ARHGAP21: variants seen among roughly 807,000 people sequenced by gnomAD.
ARHGAP21 encodes the protein Rho GTPase activating protein 21.
ARHGAP21 carries 38 observed loss-of-function variants against 164.6 expected under a neutral mutation model. That is an observed-to-expected ratio of 0.23 (90% confidence interval 0.18 to 0.30). The LOEUF is 0.30. Ranked by LOEUF, ARHGAP21 falls within the 10% of genes least tolerant of loss-of-function variation. The pLI is 1.00. For synonymous variants in ARHGAP21, 766 were observed against 857.9 expected, an observed-to-expected ratio of 0.89 and a Z score of 1.87; for missense variants, 1,822 against 2,370.7, an observed-to-expected ratio of 0.77 and a Z score of 4.81.
intron 9 of ARHGAP21, among the ~76,000 whole-genome samples, chr10:24,615,064 C>T (rs982636892): frequency 3.9e-5 from 6 of 152,070 alleles, no homozygotes; most frequent in Non-Finnish European, 4.4e-5. Context: ...GTGGTGCACA[C>T]CTGTAATCCC....
At chr10:24,597,089 G>C (rs1190360582) in intron 16 of ARHGAP21, among the ~76,000 whole-genome samples, 4 of 103,062 alleles carry the variant, frequency 3.9e-5, no homozygotes, top group Admixed American at 1.9e-4. Flanking sequence ...CTTTAAAACA[G>C]CAAAAAAAAA....
chr10:24,584,795 G>C lies in ARHGAP21; in HGVS notation c.5494C>G (p.Leu1832Val). 1.2e-6 allele frequency: 2 copies of C among 1,613,992 alleles called. No individual in the cohort carries two copies. The highest frequency in any genetic ancestry group is 2.2e-5 in the South Asian group (2 of 91,078). Residue 1832 changes from leucine to valine, a missense_variant, in exon 26 of 26, where the codon CTT becomes GTT. Leu to Val is a conservative substitution (Grantham distance 32). Around this residue, in one of 5 missense-constraint regions of ARHGAP21, gnomAD observed 165 missense variants for 176.6 expected, o/e 0.93. Coordinates refer to ENST00000396432, the MANE Select transcript of ARHGAP21 (RefSeq NM_020824.4). ...HEQSGERESE[L>V]SAVNRLKPKC... ...GGTTTTAACCGGTTTACAGCTGAAA[G>C]TTCAGATTCTCTCTCCCCGCTCTGC...
intron 4 of ARHGAP21, among the ~76,000 whole-genome samples, chr10:24,649,819 G>A (rs1837973934): frequency 6.6e-6 from 1 of 151,734 alleles, no homozygotes; most frequent in South Asian, 2.1e-4. Flanking sequence ...GAATCACCAG[G>A]CACAGATTAT....
chr10:24,714,930 T>G (rs1845212807), intron 2 of ARHGAP21, among the ~76,000 whole-genome samples: 1 of 150,572 alleles, frequency 6.6e-6, no homozygotes, highest in Non-Finnish European at 1.5e-5. Flanking sequence ...CTCGGGAGGC[T>G]GAGGCAGGAG....
intron 4 of ARHGAP21, among the ~76,000 whole-genome samples, chr10:24,653,945 A>G (rs1165969607): frequency 6.6e-6 from 1 of 152,208 alleles, no homozygotes; most frequent in African/African-American, 2.4e-5. Flanking sequence ...GACGACCTAC[A>G]TAATGGAGGA....
chr10:24,592,811 A>G (rs1564961700), intron 21 of ARHGAP21, among the ~76,000 whole-genome samples: 1 of 152,154 alleles, frequency 6.6e-6, no homozygotes, highest in Admixed American at 6.5e-5. Flanking sequence ...TGAAAAATAC[A>G]TGAAAGGTTA....
In ARHGAP21 at chr10:24,607,321, G is replaced by T. The variant is rs2077069611; in HGVS notation, c.2684+178C>A. 5 of 609,338 alleles carry T rather than the reference G, an allele frequency of 8.2e-6. No homozygotes were observed. In the South Asian group the frequency reaches 1.1e-4, roughly 13 times the overall value. The allele number at this position is 609,338 out of a possible 1,614,324, so 37.7% of individuals were successfully genotyped here. A position where few individuals can be genotyped will look rare whatever the true frequency, so the allele number is the denominator to read the frequency against. On this transcript the variant is annotated intron_variant, in intron 11 of 25. Transcript: ENST00000396432. ...TTTAACATATTTTTCTACCATGTTT[G>T]TGTGTTACTGATTTTTAAAATTCAA... is the stretch of plus-strand genomic sequence containing the variant.
intron 2 of ARHGAP21, among the ~76,000 whole-genome samples, chr10:24,689,167 T>C (rs952450742): frequency 5.3e-5 from 8 of 152,290 alleles, no homozygotes; most frequent in South Asian, 2.1e-4. Flanking sequence ...GTGACACAGC[T>C]TGGACTAGAA....
At chr10:24,647,218 A>G (rs1239464605) in intron 4 of ARHGAP21, among the ~76,000 whole-genome samples, 1 of 152,202 alleles carries the variant, frequency 6.6e-6, no homozygotes, top group East Asian at 1.9e-4. Flanking sequence ...ATCCAGTTGA[A>G]TTCCTTGCAT....
chr10:24,700,307 G>A (rs1843543174), intron 2 of ARHGAP21, among the ~76,000 whole-genome samples: 1 of 152,180 alleles, frequency 6.6e-6, no homozygotes, highest in African/African-American at 2.4e-5. Context: ...TACACAAGGT[G>A]ATGAGTGTGG....
At chr10:24,643,925 T>C (rs918527811) in intron 4 of ARHGAP21, among the ~76,000 whole-genome samples, 2 of 152,104 alleles carry the variant, frequency 1.3e-5, no homozygotes, top group African/African-American at 2.4e-5. Context: ...ATTGACCAGG[T>C]TGATCTCGAA....
intron 6 of ARHGAP21, among the ~76,000 whole-genome samples, 200 bp downstream of exon 6, chr10:24,633,202 A>G (rs1461060616): frequency 6.6e-6 from 1 of 152,218 alleles, no homozygotes; most frequent in Non-Finnish European, 1.5e-5. Flanking sequence ...AATCTGATAC[A>G]TCTGTCAAAC....
intron 6 of ARHGAP21, 46 bp downstream of exon 6, chr10:24,633,356 G>T: frequency 7.7e-7 from 1 of 1,302,038 alleles, no homozygotes; most frequent in South Asian, 1.2e-5. Context: ...GTGCTCTATT[G>T]ATCTATAAAA....
Position 24,633,495 on chromosome 10 carries a change from T to TA in ARHGAP21, c.362-16dup, listed in dbSNP as rs1269560558. ...AATTCGGTCACCTTCAAAGAGAAGTTAAAAAACAAATGAGAGATCCTGCAG... is the reference window on the plus strand; with the variant it reads ...AATTCGGTCACCTTCAAAGAGAAGTTAAAAAAACAAATGAGAGATCCTGCAG... On this transcript the variant is annotated splice_polypyrimidine_tract_variant and intron_variant, in intron 5 of 25. Coordinates refer to ENST00000396432, the MANE Select transcript of ARHGAP21 (RefSeq NM_020824.4). 19 of 1,584,748 alleles carry TA rather than the reference T, an allele frequency of 1.2e-5. No homozygotes were observed. Among genetic ancestry groups the TA allele is most frequent in the Non-Finnish European group, 1.6e-5 (19 of 1,158,590 alleles).
chr10:24,604,269 T>C (rs892314174), intron 12 of ARHGAP21, 43 bp downstream of exon 12: 12 of 1,381,702 alleles, frequency 8.7e-6, no homozygotes, highest in African/African-American at 1.5e-5. Context: ...TACTTCTCTA[T>C]GAAGAGATAA....
At chr10:24,655,188 A>G (rs1420352418) in intron 4 of ARHGAP21, among the ~76,000 whole-genome samples, 1 of 152,258 alleles carries the variant, frequency 6.6e-6, no homozygotes, top group Non-Finnish European at 1.5e-5. Context: ...CCTAGGCAAT[A>G]CCATTCAGGA....
rs145890536 is a variant in ARHGAP21, at chr10:24,680,242, T to TAG, written c.64-9846_64-9845insCT. On this transcript the variant is annotated intron_variant, in intron 2 of 25. Transcript: ENST00000396432. ...CATCTCTTTTATTTCATAATCTACATATTCTTCCCCGTAACAGCTTTTTGA... is the reference window on the plus strand; with the variant it reads ...CATCTCTTTTATTTCATAATCTACATAGATTCTTCCCCGTAACAGCTTTTTGA... Among the ~76,000 whole-genome samples, 1,495 of 152,256 alleles carry TAG rather than the reference T, an allele frequency of 9.8e-3. 20 individuals are homozygous for TAG. Among genetic ancestry groups the TAG allele is most frequent in the East Asian group, 0.037 (194 of 5,186 alleles).
At chr10:24,643,179 CA>C (rs1463331806) in intron 4 of ARHGAP21, among the ~76,000 whole-genome samples, 9 of 152,210 alleles carry the variant, frequency 5.9e-5, no homozygotes, top group Non-Finnish European at 1.2e-4. Flanking sequence ...CGAGCTCTTA[CA>C]AATGTGCCAG....
At chr10:24,653,939 A>T (rs966951032) in intron 4 of ARHGAP21, among the ~76,000 whole-genome samples, 2 of 152,200 alleles carry the variant, frequency 1.3e-5, no homozygotes, top group African/African-American at 4.8e-5. Context: ...TGAAAAGACG[A>T]CCTACATAAT....
Sources: allele counts gnomAD v4.1 joint callset (sites outside exome capture counted in the v4.1 genomes callset), GRCh38; gene constraint gnomAD v4.1.1; regional missense constraint gnomAD v4.1.1; transcripts MANE v1.5; gene names NCBI Gene and HGNC (gene_info 2026-07-23, HGNC 2026-07-21).